The following EPDR1 variants were observed in gnomAD, a reference collection of about 807,000 sequenced individuals.
EPDR1 encodes mammalian ependymin-related protein 1.
In EPDR1, 27 loss-of-function variants were observed where a neutral mutation model predicts 23.7. The ratio of observed to expected loss-of-function variants is 1.14; its 90% CI spans 0.84 to 1.57. The LOEUF (loss-of-function observed/expected upper bound fraction) is 1.57, where lower values mean the gene tolerates loss of function less well. Among genes scored for constraint, EPDR1 ranks in the 40% most tolerant of loss-of-function variants. The pLI, the probability that EPDR1 is intolerant of heterozygous loss-of-function variation, is 0.00. For synonymous variants in EPDR1, 137 were observed against 118.2 expected (o/e 1.16, Z -1.03); for missense variants, 349 against 290.4 (o/e 1.20, Z -1.47).
Position 37,926,541 on chromosome 7 carries a change from G to C in EPDR1, c.269+5333G>C, listed in dbSNP as rs370767952. ...TACACTTAAGTGTGGTGTCTCTGTGGTCTCTTTCTGTCTGGAATAGTTCCT... is the reference window on the plus strand; with the variant it reads ...TACACTTAAGTGTGGTGTCTCTGTGCTCTCTTTCTGTCTGGAATAGTTCCT... On this transcript the variant is annotated intron_variant, in intron 1 of 2. Coordinates refer to ENST00000199448, the MANE Select transcript of EPDR1 (RefSeq NM_017549.5). The C allele has an allele frequency of 2.8e-5, 7 of 252,960 alleles. No homozygotes were observed. The South Asian group carries it at 3.1e-4, about 11-fold the overall frequency. 15.7% of individuals were successfully genotyped at this position (252,960 alleles called of 1,614,324 possible).
chr7:37,945,425 G>T (rs903628421), intron 1 of EPDR1, among the ~76,000 whole-genome samples: 1 of 152,126 alleles, frequency 6.6e-6, no homozygotes, highest in African/African-American at 2.4e-5. Flanking sequence ...ACACATAAAG[G>T]TGTAAAATGA....
At chr7:37,930,566 T>A (rs1417954389) in intron 1 of EPDR1, among the ~76,000 whole-genome samples, 2 of 152,172 alleles carry the variant, frequency 1.3e-5, no homozygotes, top group Non-Finnish European at 2.9e-5. Flanking sequence ...CTGTCCCTTG[T>A]CACACACCCT....
chr7:37,937,931 A>G (rs1312417519), intron 1 of EPDR1, among the ~76,000 whole-genome samples: 1 of 150,424 alleles, frequency 6.6e-6, no homozygotes. Context: ...GAATTTAACC[A>G]TGTCAATGCA....
chr7:37,938,659 C>T (rs1280825383), intron 1 of EPDR1, among the ~76,000 whole-genome samples: 2 of 152,186 alleles, frequency 1.3e-5, no homozygotes, highest in Non-Finnish European at 2.9e-5. Context: ...GTAGCCATTG[C>T]TTTGATTGTG....
intron 1 of EPDR1, among the ~76,000 whole-genome samples, chr7:37,946,585 T>C (rs373024085): frequency 6.6e-6 from 1 of 152,244 alleles, no homozygotes; most frequent in Non-Finnish European, 1.5e-5. Context: ...ACATAAAAGG[T>C]AACTGTGAAA....
intron 1 of EPDR1, among the ~76,000 whole-genome samples, chr7:37,942,030 T>A (rs533275648): frequency 9.8e-5 from 15 of 152,288 alleles, no homozygotes; most frequent in African/African-American, 3.6e-4. Flanking sequence ...ATTAGATTTA[T>A]CTTTTTACTT....
At chr7:37,937,700 G>A (rs929409480) in intron 1 of EPDR1, among the ~76,000 whole-genome samples, 1 of 152,130 alleles carries the variant, frequency 6.6e-6, no homozygotes, top group African/African-American at 2.4e-5. Flanking sequence ...CTGTGCTGGA[G>A]ATACTCAGAT....
At position 37,949,035 on chromosome 7, in the gene EPDR1, G is replaced by C; in HGVS notation, c.465G>C (p.Lys155Asn). The C allele has an allele frequency of 6.2e-7, 1 of 1,614,156 alleles. No individual in the cohort carries two copies. Among genetic ancestry groups the C allele is most frequent in the Non-Finnish European group, 8.5e-7 (1 of 1,180,018 alleles). The change falls in exon 2 of 3, where the codon AAG becomes AAC. Residue 155 changes from lysine (K) to asparagine (N), a missense_variant. Coordinates refer to ENST00000199448, the MANE Select transcript of EPDR1 (RefSeq NM_017549.5). ...QITVQEWSDR[K>N]SARSYETWIG... ...CCGTCCAGGAGTGGTCGGACAGAAA[G>C]TCAGCTAGATCCTGTAAGGGTTCAA...
chr7:37,949,064 ATC>A lies in EPDR1; in HGVS notation c.478+18_478+19del, dbSNP rs767378801. 1.2e-6 allele frequency: 2 copies of A among 1,611,366 alleles called. No homozygotes were observed. Among genetic ancestry groups the A allele is most frequent in the East Asian group, 4.5e-5 (2 of 44,870 alleles). On this transcript the variant is annotated intron_variant, in intron 2 of 2. Coordinates refer to ENST00000199448, the MANE Select transcript of EPDR1 (RefSeq NM_017549.5). ...GCTAGATCCTGTAAGGGTTCAAAGA[ATC>A]TAAGCATTGTATTCAGCATGCATGA...
chr7:37,931,610 A>G (rs1037577471), intron 1 of EPDR1, among the ~76,000 whole-genome samples: 1 of 152,104 alleles, frequency 6.6e-6, no homozygotes, highest in African/African-American at 2.4e-5. Context: ...ATGTTTTTGT[A>G]GGTTGTTTCT....
intron 1 of EPDR1, among the ~76,000 whole-genome samples, chr7:37,934,720 G>T (rs1786014722): frequency 6.6e-6 from 1 of 152,126 alleles, no homozygotes; most frequent in African/African-American, 2.4e-5. Flanking sequence ...GATGTGAGAG[G>T]ATCACTTGAG....
chr7:37,923,769 G>T (rs1157990157), intron 1 of EPDR1, among the ~76,000 whole-genome samples: 1 of 152,008 alleles, frequency 6.6e-6, no homozygotes, highest in Admixed American at 6.6e-5. Context: ...AGTTAATAAA[G>T]CTTTCTGAGT....
In EPDR1 at chr7:37,921,035, C is replaced by T. The variant is rs1165857168; in HGVS notation, c.96C>T (p.Ser32=). 1 of 1,530,548 alleles carries T rather than the reference C, an allele frequency of 6.5e-7. No individual in the cohort carries two copies. Among genetic ancestry groups the T allele is most frequent in the East Asian group, 2.4e-5 (1 of 41,112 alleles). The allele number at this position is 1,530,548 out of a possible 1,614,324, so 94.8% of individuals were successfully genotyped here. A position where few individuals can be genotyped will look rare whatever the true frequency, so the allele number is the denominator to read the frequency against. The change falls in exon 1 of 3, where the codon AGC becomes AGT. Residue 32 remains serine (S), a synonymous_variant. Coordinates refer to ENST00000199448, the MANE Select transcript of EPDR1 (RefSeq NM_017549.5). ...CCTGGACCCTGTGCGGCCTGTGCAG[C>T]CTGGGGGCGGTGGGAGCCCCGCGCC... ...LWAWTLCGLC[S]LGAVGAPRPC... is the part of the protein sequence containing the mutation.
At chr7:37,933,443 T>G (rs538028911) in intron 1 of EPDR1, among the ~76,000 whole-genome samples, 1 of 152,372 alleles carries the variant, frequency 6.6e-6, no homozygotes, top group African/African-American at 2.4e-5. Flanking sequence ...AGAGTTAGAA[T>G]GAGTCTGGTT....
intron 1 of EPDR1, among the ~76,000 whole-genome samples, chr7:37,947,789 T>G (rs377466987): frequency 1.0e-3 from 154 of 152,268 alleles, no homozygotes; most frequent in South Asian, 5.0e-3. Flanking sequence ...GTCTCAGCTT[T>G]AAGGAAGATA....
chr7:37,932,269 T>C (rs980535629), intron 1 of EPDR1, among the ~76,000 whole-genome samples: 2 of 152,160 alleles, frequency 1.3e-5, no homozygotes. Flanking sequence ...TACAAAGCCA[T>C]GACTGCATTT....
intron 1 of EPDR1, among the ~76,000 whole-genome samples, chr7:37,943,627 A>G (rs575328963): frequency 2.6e-5 from 4 of 152,250 alleles, no homozygotes; most frequent in South Asian, 2.1e-4. Flanking sequence ...TTTGTTTTCC[A>G]TTAATTTATT....
At chr7:37,944,266 A>C (rs1469978110) in intron 1 of EPDR1, among the ~76,000 whole-genome samples, 1 of 152,174 alleles carries the variant, frequency 6.6e-6, no homozygotes, top group Non-Finnish European at 1.5e-5. Flanking sequence ...TGCGTTTTGG[A>C]AAATAGCCTC....
At chr7:37,922,672 G>GGGGC (rs1554372871) in intron 1 of EPDR1, among the ~76,000 whole-genome samples, 1 of 151,104 alleles carries the variant, frequency 6.6e-6, no homozygotes, top group Non-Finnish European at 1.5e-5. Flanking sequence ...AGCTAGGGGG[G>GGGGC]GGTTCTGACG....
Sources: gnomAD v4.1 joint callset for allele counts (sites outside exome capture counted in the v4.1 genomes callset) on GRCh38, gnomAD v4.1.1 for gene constraint, MANE v1.5 for transcripts, NCBI Gene and HGNC (gene_info 2026-07-23, HGNC 2026-07-21) for gene names.